Variants in CLASP2 observed in about 807,000 individuals in gnomAD.
CLASP2 encodes CLIP-associating protein 2.
In CLASP2, 47 loss-of-function variants were observed where a neutral mutation model predicts 194.4. The ratio of observed to expected loss-of-function variants is 0.24; its 90% CI spans 0.19 to 0.31. The LOEUF (loss-of-function observed/expected upper bound fraction) is 0.31. Ranked by LOEUF, CLASP2 falls within the 10% of genes least tolerant of loss-of-function variation. The pLI, the probability that CLASP2 is intolerant of heterozygous loss-of-function variation, is 1.00. For missense variants in CLASP2, 1,445 were observed against 1,823.6 expected (o/e 0.79, Z 3.78); for synonymous variants, 619 against 633.5 (o/e 0.98, Z 0.34).
chr3:33,554,892 T>C (rs2060652946), intron 29 of CLASP2: 1 of 152,504 alleles, frequency 6.6e-6, no homozygotes, highest in Non-Finnish European at 1.5e-5. Context: ...TTCTTCAGGT[T>C]GAATGACCTA....
At chr3:33,515,070 G>T (rs1575718638) in intron 36 of CLASP2, among the ~76,000 whole-genome samples, 1 of 152,134 alleles carries the variant, frequency 6.6e-6, no homozygotes, top group East Asian at 1.9e-4. Context: ...GGACTTGGGG[G>T]AAAGAGTGGG....
intron 12 of CLASP2, among the ~76,000 whole-genome samples, chr3:33,613,965 T>C (rs2075666965): frequency 6.6e-6 from 1 of 152,142 alleles, no homozygotes; most frequent in Non-Finnish European, 1.5e-5. Flanking sequence ...TTACATCAAT[T>C]ACAGATGAAG....
intron 34 of CLASP2, among the ~76,000 whole-genome samples, chr3:33,525,231 C>T (rs1011651669): frequency 2.6e-5 from 4 of 151,924 alleles, no homozygotes; most frequent in African/African-American, 9.7e-5. Flanking sequence ...CAACTACATA[C>T]CAAAACTTAT....
chr3:33,674,058 C>T (rs1575488081), intron 6 of CLASP2, among the ~76,000 whole-genome samples: 1 of 152,022 alleles, frequency 6.6e-6, no homozygotes, highest in African/African-American at 2.4e-5. Context: ...AACAAGGATA[C>T]CCAGGAATTG....
At chr3:33,527,341 T>C (rs2054848554) in intron 34 of CLASP2, among the ~76,000 whole-genome samples, 1 of 152,134 alleles carries the variant, frequency 6.6e-6, no homozygotes, top group African/African-American at 2.4e-5. Context: ...AACACCTCTA[T>C]GCATATAAAC....
Position 33,496,302 on chromosome 3 carries a change from A to C in CLASP2, c.*2329T>G, listed in dbSNP as rs1341401657. 6.6e-6 allele frequency: 1 copy of C among 152,244 alleles called. No homozygotes were observed. Among genetic ancestry groups the C allele is most frequent in the Admixed American group, 6.5e-5 (1 of 15,282 alleles). 9.4% of individuals were successfully genotyped at this position (152,244 alleles called of 1,614,324 possible). A position where few individuals can be genotyped will look rare whatever the true frequency, so the allele number is the denominator to read the frequency against. On this transcript the variant is annotated 3_prime_UTR_variant, in exon 39 of 39. Transcript: ENST00000682230. ...TTCTCAGCAGTGCAGTAAATGAACA[A>C]CACTTATTAATAATTAATTTGGGAG...
chr3:33,684,425 T>G lies in CLASP2; in HGVS notation c.578A>C (p.Glu193Ala). The change falls in exon 6 of 39, where the codon GAG becomes GCG. Residue 193 changes from glutamate to alanine, a missense_variant. Physicochemically the swap from Glu to Ala is moderately radical, Grantham distance 107. Around this residue, in one of 4 missense-constraint regions of CLASP2, gnomAD observed 332 missense variants for 325.3 expected, o/e 1.02. Transcript: ENST00000682230. ...VRDAAILAIV[E>A]IYRHVGEKVR... ...TTTTTCTCCCACATGTCTATAAATC[T>G]CCACTATAGCCAATATTGCAGCATC... 1 of 1,602,936 alleles carries G rather than the reference T, an allele frequency of 6.2e-7. No individual in the cohort carries two copies. The highest frequency in any genetic ancestry group is 1.1e-5 in the South Asian group (1 of 89,560).
chr3:33,710,912 C>T (rs1273040029), intron 1 of CLASP2, among the ~76,000 whole-genome samples: 2 of 152,112 alleles, frequency 1.3e-5, no homozygotes, highest in Non-Finnish European at 2.9e-5. Context: ...TCCAGCCTGG[C>T]GACTGAGTGA....
chr3:33,704,921 T>G (rs1476391362), intron 1 of CLASP2, among the ~76,000 whole-genome samples: 1 of 152,128 alleles, frequency 6.6e-6, no homozygotes, highest in African/African-American at 2.4e-5. Context: ...GTAGAGTGAT[T>G]GGAACCCTTA....
chr3:33,516,880 G>T, intron 35 of CLASP2, 101 bp downstream of exon 35: 1 of 1,015,126 alleles, frequency 9.9e-7, no homozygotes, highest in Non-Finnish European at 1.5e-6. Flanking sequence ...CAGCAGAAGA[G>T]ATTCATTCTC....
At chr3:33,587,206 C>T (rs984488498) in intron 21 of CLASP2, among the ~76,000 whole-genome samples, 10 of 151,702 alleles carry the variant, frequency 6.6e-5, no homozygotes, top group South Asian at 2.1e-4. Flanking sequence ...GCTCACTGCA[C>T]GCTCTGCCAC....
At chr3:33,555,920 T>C (rs1232490750) in intron 29 of CLASP2, among the ~76,000 whole-genome samples, 1 of 152,210 alleles carries the variant, frequency 6.6e-6, no homozygotes. Flanking sequence ...ATAACCACAA[T>C]ACATATATAA....
At chr3:33,608,968 C>T (rs2074514105) in intron 13 of CLASP2, among the ~76,000 whole-genome samples, 1 of 152,008 alleles carries the variant, frequency 6.6e-6, no homozygotes, top group Non-Finnish European at 1.5e-5. Context: ...ATAATTTTAA[C>T]TTAAAATGTG....
At chr3:33,675,682 A>C (rs1272338714) in intron 6 of CLASP2, among the ~76,000 whole-genome samples, 2 of 147,918 alleles carry the variant, frequency 1.4e-5, no homozygotes, top group African/African-American at 4.9e-5. Context: ...GTATATCTAG[A>C]AAACCCCATT....
chr3:33,558,958 T>C (rs1299388782), intron 29 of CLASP2: 1 of 334,450 alleles, frequency 3.0e-6, no homozygotes, highest in Admixed American at 4.6e-5. Context: ...GTATCACCAT[T>C]AAGTTTCTCC....
chr3:33,659,346 C>T (rs758089734), intron 7 of CLASP2: 135 of 1,097,114 alleles, frequency 1.2e-4, no homozygotes, highest in Non-Finnish European at 1.4e-4. Context: ...AATGCCATCC[C>T]GCTGGGGGAC....
chr3:33,615,788 A>G (rs1277098320), intron 12 of CLASP2, among the ~76,000 whole-genome samples: 1 of 152,138 alleles, frequency 6.6e-6, no homozygotes, highest in Non-Finnish European at 1.5e-5. Context: ...TCATGAAACT[A>G]AAAAATAATG....
Position 33,696,947 on chromosome 3 carries a change from G to A in CLASP2, c.196-14C>T. ...CATTAATGATACCTACAGATAAAAAGGGATTTTAATGAATATAAATTACTG... is the reference window on the plus strand; with the variant it reads ...CATTAATGATACCTACAGATAAAAAAGGATTTTAATGAATATAAATTACTG... On this transcript the variant is annotated splice_polypyrimidine_tract_variant and intron_variant, in intron 1 of 38. Transcript: ENST00000682230. The A allele has an allele frequency of 6.8e-7, 1 of 1,473,300 alleles. No individual in the cohort carries two copies. The highest frequency in any genetic ancestry group is 9.3e-7 in the Non-Finnish European group (1 of 1,070,764). 91.3% of individuals were successfully genotyped at this position (1,473,300 alleles called of 1,614,324 possible). A position where few individuals can be genotyped will look rare whatever the true frequency, so the allele number is the denominator to read the frequency against.
intron 33 of CLASP2, among the ~76,000 whole-genome samples, chr3:33,538,369 C>G (rs2057762666): frequency 6.6e-6 from 1 of 152,204 alleles, no homozygotes; most frequent in African/African-American, 2.4e-5. Context: ...TCTTGGACCA[C>G]ACAATCTAAA....
Sources: gnomAD v4.1 joint callset for allele counts (sites outside exome capture counted in the v4.1 genomes callset) on GRCh38, gnomAD v4.1.1 for gene constraint, gnomAD v4.1.1 regional missense constraint, MANE v1.5 for transcripts, NCBI Gene and HGNC (gene_info 2026-07-23, HGNC 2026-07-21) for gene names.